The following SAMD11 variants were observed in gnomAD, a reference collection of about 807,000 sequenced individuals.
The protein encoded by SAMD11 is sterile alpha motif domain-containing protein 11.
Under a neutral mutation model 64.4 loss-of-function variants are expected in SAMD11, and 77 were observed. That is an observed-to-expected ratio of 1.20 (90% CI 0.99 to 1.44). The LOEUF is 1.44. SAMD11 is among the 40% of genes most tolerant of loss of function. The pLI is 0.00. For missense variants in SAMD11, 1,402 were observed against 943.3 expected (o/e 1.49, Z -6.37); for synonymous variants, 658 against 421.9 (o/e 1.56, Z -6.86).
intron 11 of SAMD11, 85 bp downstream of exon 11, chr1:943,143 T>TC: frequency 6.3e-7 from 1 of 1,578,066 alleles, no homozygotes; most frequent in Non-Finnish European, 8.6e-7. Flanking sequence ...GAGGAAAAAT[T>TC]CCCCTTAGGC....
intron 2 of SAMD11, among the ~76,000 whole-genome samples, chr1:928,209 C>G (rs568159093): frequency 5.4e-5 from 8 of 149,066 alleles, no homozygotes; most frequent in East Asian, 4.1e-4. Flanking sequence ...CTGACTAACA[C>G]GGTGAAACCC....
Position 939,323 on chromosome 1 carries a change from A to G in SAMD11, c.1106A>G (p.Asp369Gly). Residue 369 changes from aspartate (D) to glycine (G), a missense_variant, in exon 7 of 14, where the codon GAC (aspartate) becomes GGC (glycine). Asp to Gly is a moderately conservative substitution (Grantham distance 94, BLOSUM62 -1). Transcript: ENST00000616016. ...CTGGGGCCCAGCATGGCCCCGGAGG[A>G]CCATTACCGCCGGCTTGTGTCAGCA... ...RELGPSMAPE[D>G]HYRRLVSALS... 7 of 1,611,818 alleles carry G rather than the reference A, an allele frequency of 4.3e-6. No homozygotes were observed. The highest frequency in any genetic ancestry group is 5.9e-6 in the Non-Finnish European group (7 of 1,179,582).
At chr1:932,750 C>G (rs1327611758) in intron 4 of SAMD11, among the ~76,000 whole-genome samples, 1 of 152,268 alleles carries the variant, frequency 6.6e-6, no homozygotes, top group Non-Finnish European at 1.5e-5. Flanking sequence ...CTTCCATCCC[C>G]TTCGCCCTGT....
intron 5 of SAMD11, among the ~76,000 whole-genome samples, chr1:937,401 C>T (rs1196022592): frequency 2.0e-5 from 3 of 150,732 alleles, no homozygotes; most frequent in Non-Finnish European, 4.4e-5. Context: ...CACCTGCCCC[C>T]CCCCCCACCC....
At position 943,681 on chromosome 1, in the gene SAMD11, C is replaced by T. The variant is rs1420715439; in HGVS notation, c.2179-17C>T. 2.6e-6 allele frequency: 4 copies of T among 1,543,988 alleles called. No individual in the cohort carries two copies. Among genetic ancestry groups the T allele is most frequent in the South Asian group, 1.3e-5 (1 of 79,990 alleles). On this transcript the variant is annotated splice_polypyrimidine_tract_variant and intron_variant, in intron 12 of 13. Coordinates refer to ENST00000616016, the MANE Select transcript of SAMD11 (RefSeq NM_001385641.1). ...AGCAGCACCCGGGTCCTGACCCTCC[C>T]TCCCTCCCCCTTCCAGGTCTTCAGG...
At chr1:943,451 G>C in intron 12 of SAMD11, 74 bp downstream of exon 12, 1 of 1,313,120 alleles carries the variant, frequency 7.6e-7, no homozygotes, top group Non-Finnish European at 1.0e-6. Context: ...AAAGGATGGT[G>C]GGGTAGGGCC....
rs56170324 is a variant in SAMD11 at position 936,368 on chromosome 1, G to T, written c.967+472G>T. 1.5e-3 allele frequency among the ~76,000 whole-genome samples: 226 copies of T among 148,274 alleles called. 3 individuals carry two copies. The highest frequency in any genetic ancestry group is 4.6e-3 in the Admixed American group (68 of 14,852). On this transcript the variant is annotated intron_variant, in intron 5 of 13. Coordinates refer to ENST00000616016, the MANE Select transcript of SAMD11 (RefSeq NM_001385641.1). ...GGGGTCCCCGGTCCCGCCTCCTAGG[G>T]CTCCTGGACGGAAGGGGTCCCCGGT...
At chr1:925,289 C>CG (rs1184572430) in intron 1 of SAMD11, 5 of 151,570 alleles carry the variant, frequency 3.3e-5, no homozygotes, top group Non-Finnish European at 5.9e-5. Flanking sequence ...GCCCCGGGTT[C>CG]GGGGGAGACT....
chr1:938,254 C>T (rs955372137), intron 5 of SAMD11, among the ~76,000 whole-genome samples: 3 of 150,952 alleles, frequency 2.0e-5, no homozygotes, highest in East Asian at 3.9e-4. Context: ...CTGCCACCTG[C>T]TGGGCTGTGT....
chr1:932,226 T>C (rs1641199423), intron 4 of SAMD11, among the ~76,000 whole-genome samples: 1 of 152,242 alleles, frequency 6.6e-6, no homozygotes, highest in South Asian at 2.1e-4. Flanking sequence ...AGAATACATT[T>C]GTCAGCGAGG....
chr1:942,790 CCGGAAGGGGG>C lies in SAMD11; in HGVS notation c.1786_1795del (p.Arg596ValfsTer15). The C allele has an allele frequency of 2.6e-6, 4 of 1,542,056 alleles. No homozygotes were observed. The highest frequency in any genetic ancestry group is 3.5e-6 in the Non-Finnish European group (4 of 1,144,404). On this transcript the variant is annotated frameshift_variant, in exon 11 of 14. Transcript: ENST00000616016. LOFTEE classifies it high-confidence loss of function. ...CCCGGGACTCTGCCCGGCGAGCCCC[CCGGAAGGGGG>C]GTCCCGGCCCTGCCTCAGCGCGGCC...
chr1:930,713 G>A (rs954485962), intron 3 of SAMD11, among the ~76,000 whole-genome samples: 5 of 152,216 alleles, frequency 3.3e-5, no homozygotes, highest in African/African-American at 4.8e-5. Context: ...AAGCAGCCTC[G>A]GCCCCCACCT....
Sources: gnomAD v4.1 joint callset for allele counts (sites outside exome capture counted in the v4.1 genomes callset) on GRCh38, gnomAD v4.1.1 for gene constraint, MANE v1.5 for transcripts, NCBI Gene and HGNC (gene_info 2026-07-23, HGNC 2026-07-21) for gene names.